Variants in POU2F3 observed in about 807,000 individuals in gnomAD.
POU2F3 encodes POU domain, class 2, transcription factor 3.
Under a neutral mutation model 59.2 loss-of-function variants are expected in POU2F3, and 23 were observed. The observed-to-expected ratio is 0.39, with a 90% CI of 0.28 to 0.55. The LOEUF is 0.55. Among genes scored for constraint, POU2F3 ranks in the 20% least tolerant of loss-of-function variants. The probability of loss-of-function intolerance (pLI) is 0.66; values close to 1 mark genes in which losing one functional copy is unlikely to be tolerated. For synonymous variants in POU2F3, 190 were observed against 214.6 expected, an observed-to-expected ratio of 0.89 and a Z score of 1.00; for missense variants, 473 against 544.5, an observed-to-expected ratio of 0.87 and a Z score of 1.31.
chr11:120,267,092 G>A (rs761942302), intron 2 of POU2F3, among the ~76,000 whole-genome samples: 43 of 151,678 alleles, frequency 2.8e-4, no homozygotes, highest in Non-Finnish European at 6.0e-4. Context: ...CAGCTATTGC[G>A]GCTGTGGGTC....
chr11:120,240,784 G>A (rs754975455), intron 1 of POU2F3, among the ~76,000 whole-genome samples: 9 of 152,228 alleles, frequency 5.9e-5, no homozygotes, highest in Non-Finnish European at 8.8e-5. Context: ...GCTGGTGTCC[G>A]GGCATATGTG....
At chr11:120,284,285 C>T (rs1940696789) in intron 3 of POU2F3, among the ~76,000 whole-genome samples, 1 of 152,210 alleles carries the variant, frequency 6.6e-6, no homozygotes, top group South Asian at 2.1e-4. Flanking sequence ...CACGAATGCC[C>T]ATCTCCTCTG....
At chr11:120,237,246 C>T (rs1038669718), upstream of POU2F3, among the ~76,000 whole-genome samples, 29 of 152,102 alleles carry the variant, frequency 1.9e-4, no homozygotes, top group Admixed American at 1.8e-3. Context: ...GTTCTTGGCA[C>T]GTAGGAAGCA....
chr11:120,305,521 G>A, intron 7 of POU2F3, 123 bp from the exon 8 acceptor site: 2 of 1,405,300 alleles, frequency 1.4e-6, no homozygotes, highest in Non-Finnish European at 1.9e-6. Context: ...AAGGAGCCGA[G>A]CATGGGTGAG....
rs1303256465 is a variant in POU2F3, at chr11:120,309,548, G to T, written c.1030G>T (p.Ala344Ser). 10 of 1,613,974 alleles carry T rather than the reference G, an allele frequency of 6.2e-6. No individual in the cohort carries two copies. Among genetic ancestry groups the T allele is most frequent in the Non-Finnish European group, 8.5e-6 (10 of 1,180,024 alleles). Residue 344 changes from alanine (A) to serine (S), a missense_variant, in exon 10 of 13, where the codon GCC becomes TCC. Ala to Ser is a moderately conservative substitution (Grantham distance 99). Coordinates refer to ENST00000543440, the MANE Select transcript of POU2F3 (RefSeq NM_014352.4). ...GGAGAAGCGAATCAACTGCCCTGTG[G>T]CCACACCCATCAAACCACCTGTCTA... Reference protein sequence around the residue: ...QKEKRINCPVATPIKPPVYNS... With the variant: ...QKEKRINCPVSTPIKPPVYNS...
At chr11:120,297,028 G>A (rs1191209911) in intron 3 of POU2F3, among the ~76,000 whole-genome samples, 4 of 152,274 alleles carry the variant, frequency 2.6e-5, no homozygotes, top group East Asian at 1.9e-4. Flanking sequence ...AGTGATATTC[G>A]CAGTGTAGAC....
chr11:120,299,734 C>T lies in POU2F3; in HGVS notation c.361+8C>T. On this transcript the variant is annotated splice_region_variant and intron_variant, in intron 5 of 12. Transcript: ENST00000543440. The stretch of plus-strand genomic sequence containing the variant: ...CCCAGCCTGGGCAGCAAGGTAAGAA[C>T]CCTGGGGGTTTCCACCTAGACCAAG... 6.2e-7 allele frequency: 1 copy of T among 1,607,310 alleles called. No individual in the cohort carries two copies. The highest frequency in any genetic ancestry group is 8.5e-7 in the Non-Finnish European group (1 of 1,177,868).
chr11:120,313,989 G>A (rs1441635376), intron 10 of POU2F3, among the ~76,000 whole-genome samples: 3 of 152,148 alleles, frequency 2.0e-5, no homozygotes, highest in African/African-American at 7.2e-5. Context: ...ACTCCAGCCT[G>A]GGTGACAGAG....
Position 120,288,123 on chromosome 11 carries a change from AAAACC to A in POU2F3, c.133-10138_133-10134del, listed in dbSNP as rs1235011113. ...AAAAGAAAGAAAGAAAACAAACAAA[AAAACC>A]AAAAAAAAAAAAAAAAAAAACAAGA... is the stretch of plus-strand genomic sequence containing the variant. On this transcript the variant is annotated intron_variant, in intron 3 of 12. Coordinates refer to ENST00000543440, the MANE Select transcript of POU2F3 (RefSeq NM_014352.4). Among the ~76,000 whole-genome samples the A allele has an allele frequency of 3.7e-4, 21 of 56,350 alleles. No individual in the cohort carries two copies. In the East Asian group the frequency reaches 0.022, roughly 60 times the overall value. 37.0% of individuals were successfully genotyped at this position (56,350 alleles called of 152,430 possible).
chr11:120,305,561 C>A (rs1252764494), intron 7 of POU2F3, 83 bp from the exon 8 acceptor site: 9 of 1,537,886 alleles, frequency 5.9e-6, no homozygotes, highest in African/African-American at 5.5e-5. Flanking sequence ...GCTGTGTGAT[C>A]GATGCTAGGA....
chr11:120,241,809 G>T (rs1238111351), intron 1 of POU2F3, among the ~76,000 whole-genome samples: 1 of 152,112 alleles, frequency 6.6e-6, no homozygotes, highest in Non-Finnish European at 1.5e-5. Flanking sequence ...GAAGTGGGAG[G>T]GGGTGGGACA....
At chr11:120,283,720 A>T (rs1235414367) in intron 3 of POU2F3, among the ~76,000 whole-genome samples, 1 of 150,258 alleles carries the variant, frequency 6.7e-6, no homozygotes, top group Non-Finnish European at 1.5e-5. Flanking sequence ...CAAATGCCTC[A>T]TTCTCCAACT....
At chr11:120,265,059 C>T (rs1329545744) in intron 2 of POU2F3, among the ~76,000 whole-genome samples, 26 of 152,188 alleles carry the variant, frequency 1.7e-4, no homozygotes, top group Non-Finnish European at 1.5e-5. Context: ...CTGCAGTTCC[C>T]AGGTACCACC....
At chr11:120,296,167 G>A (rs191045295) in intron 3 of POU2F3, among the ~76,000 whole-genome samples, 11 of 152,266 alleles carry the variant, frequency 7.2e-5, no homozygotes, top group Non-Finnish European at 1.6e-4. Context: ...AATTAGAGTC[G>A]GAGTTAGGGC....
At chr11:120,253,960 G>A (rs926233640) in intron 2 of POU2F3, among the ~76,000 whole-genome samples, 3 of 152,260 alleles carry the variant, frequency 2.0e-5, no homozygotes, top group East Asian at 1.9e-4. Flanking sequence ...GCTGACCGGG[G>A]TGGCATGACA....
chr11:120,277,675 A>G lies in POU2F3; in HGVS notation c.132+8431A>G, dbSNP rs1224657063. Among the ~76,000 whole-genome samples the G allele has an allele frequency of 2.0e-5, 3 of 151,994 alleles. No homozygotes were observed. In the East Asian group the frequency reaches 5.8e-4, roughly 29 times the overall value. On this transcript the variant is annotated intron_variant, in intron 3 of 12. Transcript: ENST00000543440. The stretch of plus-strand genomic sequence containing the variant: ...CTTATGCCTGTAGACCCAGCTACTC[A>G]GGAGGGTGAGGCACAAGAATCACTT...
intron 3 of POU2F3, among the ~76,000 whole-genome samples, chr11:120,288,128 C>CAAAAAAAAAAAAAAAAAAAAAAAAA: frequency 7.9e-5 from 5 of 63,330 alleles, no homozygotes; most frequent in South Asian, 7.1e-4. Context: ...ACAAAAAAAC[C>CAAAAAAAAAAAAAAAAAAAAAAAAA]AAAAAAAAAA....
rs182486846 is a variant in POU2F3 at position 120,274,568 on chromosome 11, G to C, written c.132+5324G>C. Among the ~76,000 whole-genome samples the C allele has an allele frequency of 2.7e-3, 407 of 152,306 alleles. 1 individual carries two copies. Among genetic ancestry groups the C allele is most frequent in the African/African-American group, 9.3e-3 (388 of 41,550 alleles). The stretch of plus-strand genomic sequence containing the variant: ...TGGAACCACAACCTATCATCAAGAA[G>C]ACAGGAGGTGGAACAAACTTATCCA... On this transcript the variant is annotated intron_variant, in intron 3 of 12. Coordinates refer to ENST00000543440, the MANE Select transcript of POU2F3 (RefSeq NM_014352.4).
intron 10 of POU2F3, among the ~76,000 whole-genome samples, chr11:120,311,989 A>G (rs1241127934): frequency 6.6e-6 from 1 of 152,216 alleles, no homozygotes; most frequent in Non-Finnish European, 1.5e-5. Context: ...AAGAGGAAAG[A>G]CACCCAAATC....
Sources: allele counts gnomAD v4.1 joint callset (sites outside exome capture counted in the v4.1 genomes callset), GRCh38; gene constraint gnomAD v4.1.1; transcripts MANE v1.5; gene names NCBI Gene and HGNC (gene_info 2026-07-23, HGNC 2026-07-21).